PIPOX: variants seen among roughly 807,000 people sequenced by gnomAD.
PIPOX encodes peroxisomal sarcosine oxidase.
A neutral mutation model predicts 47.9 loss-of-function variants in PIPOX; 45 were observed. That is an observed-to-expected ratio of 0.94 (90% CI 0.74 to 1.20). The LOEUF is 1.20. Among genes scored for constraint, PIPOX ranks in the 50% most tolerant of loss-of-function variants. PIPOX has a pLI of 0.00. For missense variants in PIPOX, 458 were observed against 498.4 expected, an observed-to-expected ratio of 0.92 and a Z score of 0.77; for synonymous variants, 165 against 191.3, an observed-to-expected ratio of 0.86 and a Z score of 1.13.
At chr17:29,052,450 G>T (rs1013147812) in intron 2 of PIPOX, among the ~76,000 whole-genome samples, 3 of 152,232 alleles carry the variant, frequency 2.0e-5, no homozygotes, top group Admixed American at 2.0e-4. Context: ...GGATTCTACC[G>T]ACTGAATCTA....
At chr17:29,056,067 G>A in intron 7 of PIPOX, 108 bp from the exon 8 acceptor site, 1 of 1,453,692 alleles carries the variant, frequency 6.9e-7, no homozygotes, top group Non-Finnish European at 9.5e-7. Flanking sequence ...TTCTGGCTTT[G>A]GGATGTGACC....
At chr17:29,053,345 G>T in intron 3 of PIPOX, 68 bp from the exon 4 acceptor site, 7 of 1,506,568 alleles carry the variant, frequency 4.6e-6, no homozygotes, top group Non-Finnish European at 6.3e-6. Flanking sequence ...CCAGGCAAAA[G>T]GCTTTCTGTC....
chr17:29,056,334 A>G lies in PIPOX; in HGVS notation c.*29A>G. ...CTGGCCAGAAGCCTCCCTTCTGTGCACAGGAGCCAGTTTCACAGATGGAGA... is the reference window on the plus strand; with the variant it reads ...CTGGCCAGAAGCCTCCCTTCTGTGCGCAGGAGCCAGTTTCACAGATGGAGA... On this transcript the variant is annotated 3_prime_UTR_variant, in exon 8 of 8. Coordinates refer to ENST00000323372, the MANE Select transcript of PIPOX (RefSeq NM_016518.3). 6.2e-7 allele frequency: 1 copy of G among 1,613,794 alleles called. No individual in the cohort carries two copies.
chr17:29,045,472 G>A (rs1368831219), intron 2 of PIPOX, among the ~76,000 whole-genome samples: 22 of 134,058 alleles, frequency 1.6e-4, no homozygotes, highest in Non-Finnish European at 6.1e-5. Context: ...GTGTAGTGGC[G>A]CCATCTTGGC....
At chr17:29,046,451 G>A (rs1010782380) in intron 2 of PIPOX, among the ~76,000 whole-genome samples, 2 of 152,290 alleles carry the variant, frequency 1.3e-5, no homozygotes, top group South Asian at 4.2e-4. Context: ...TGTGATCTTG[G>A]AAAAGTTTCT....
chr17:29,043,213 G>C lies in PIPOX; in HGVS notation c.-13G>C. 1 of 1,599,714 alleles carries C rather than the reference G, an allele frequency of 6.3e-7. No homozygotes were observed. Among genetic ancestry groups the C allele is most frequent in the Middle Eastern group, 1.7e-4 (1 of 6,010 alleles). ...GCCTTTGAGGCTCTGTGGCTGTGGG[G>C]CTGAGTGGCATCATGGCGGCTCAGA... On this transcript the variant is annotated 5_prime_UTR_variant, in exon 1 of 8. Transcript: ENST00000323372.
At chr17:29,046,667 A>G in intron 2 of PIPOX, 3 of 985,364 alleles carry the variant, frequency 3.0e-6, no homozygotes, top group Non-Finnish European at 3.6e-6. Flanking sequence ...CACAGATACC[A>G]AGGGGAGTGG....
rs143502020 is a variant in PIPOX at position 29,053,181 on chromosome 17, T to C, written c.477+48T>C. 1,378 of 1,555,174 alleles carry C rather than the reference T, an allele frequency of 8.9e-4. 13 individuals carry two copies. The African/African-American group carries it at 0.015, about 16-fold the overall frequency. ...CGATGCAGGTGCTCCCTGCTCTGGG[T>C]GTCCTGGGTCCCAAGCAGCCAGCCC... is the stretch of plus-strand genomic sequence containing the variant. On this transcript the variant is annotated intron_variant, in intron 3 of 7. Coordinates refer to ENST00000323372, the MANE Select transcript of PIPOX (RefSeq NM_016518.3).
intron 2 of PIPOX, among the ~76,000 whole-genome samples, chr17:29,049,405 G>T (rs957512785): frequency 1.3e-5 from 2 of 152,086 alleles, no homozygotes; most frequent in Admixed American, 6.5e-5. Context: ...AAAAAAAGAA[G>T]ACAGGGAGGC....
chr17:29,050,602 C>G (rs1016497852), intron 2 of PIPOX, among the ~76,000 whole-genome samples: 5 of 151,668 alleles, frequency 3.3e-5, no homozygotes, highest in Admixed American at 2.6e-4. Flanking sequence ...ATTTGGGAGG[C>G]CAAGGCAGGA....
chr17:29,043,240 A>G lies in PIPOX; in HGVS notation c.15A>G (p.Lys5=). MAAQ[K]DLWDAIVIGA... is the part of the protein sequence containing the mutation. ...TGAGTGGCATCATGGCGGCTCAGAA[A>G]GATCTCTGGGACGCCATTGTGATTG... Residue 5 remains lysine (K), a synonymous_variant, in exon 1 of 8, where the codon AAA becomes AAG. Coordinates refer to ENST00000323372, the MANE Select transcript of PIPOX (RefSeq NM_016518.3). The G allele has an allele frequency of 2.5e-6, 4 of 1,613,260 alleles. No individual in the cohort carries two copies. The highest frequency in any genetic ancestry group is 3.4e-6 in the Non-Finnish European group (4 of 1,179,430).
At chr17:29,056,081 A>G in intron 7 of PIPOX, 94 bp from the exon 8 acceptor site, 6 of 1,513,558 alleles carry the variant, frequency 4.0e-6, no homozygotes, top group African/African-American at 1.4e-5. Context: ...TGTGACCAGG[A>G]GGACAGTCAG....
intron 7 of PIPOX, 134 bp downstream of exon 7, chr17:29,056,022 C>T: frequency 8.0e-7 from 1 of 1,254,722 alleles, no homozygotes; most frequent in East Asian, 2.3e-5. Context: ...GGAGGCTGGG[C>T]AGTCAGAAAA....
At chr17:29,045,141 A>G (rs944881263) in intron 2 of PIPOX, 134 bp downstream of exon 2, 3 of 1,007,016 alleles carry the variant, frequency 3.0e-6, no homozygotes, top group African/African-American at 3.2e-5. Context: ...TACCAGATGC[A>G]TGGAAGAGTT....
chr17:29,056,437 G>C lies in PIPOX; in HGVS notation c.*132G>C, dbSNP rs2065828756. ...TCGCCTGAATCCCCCATAAACACCAGATGATTGAGTCTACCTTCTTTCCTT... is the reference window on the plus strand; with the variant it reads ...TCGCCTGAATCCCCCATAAACACCACATGATTGAGTCTACCTTCTTTCCTT... On this transcript the variant is annotated 3_prime_UTR_variant, in exon 8 of 8. Coordinates refer to ENST00000323372, the MANE Select transcript of PIPOX (RefSeq NM_016518.3). 9 of 1,008,126 alleles carry C rather than the reference G, an allele frequency of 8.9e-6. No homozygotes were observed. Among genetic ancestry groups the C allele is most frequent in the South Asian group, 1.6e-5 (1 of 62,488 alleles). The allele number at this position is 1,008,126 out of a possible 1,614,324, so 62.4% of individuals were successfully genotyped here.
Sources: gnomAD v4.1 joint callset for allele counts (sites outside exome capture counted in the v4.1 genomes callset) on GRCh38, gnomAD v4.1.1 for gene constraint, MANE v1.5 for transcripts, NCBI Gene and HGNC (gene_info 2026-07-23, HGNC 2026-07-21) for gene names.